TRIO: variants seen among roughly 807,000 people sequenced by gnomAD.
TRIO encodes trio Rho guanine nucleotide exchange factor, also known as triple functional domain protein.
A neutral mutation model predicts 351.9 loss-of-function variants in TRIO; 58 were observed. That is an observed-to-expected ratio of 0.16 (90% CI 0.13 to 0.21). The LOEUF is 0.21. TRIO is among the 10% of genes least tolerant of loss of function. TRIO has a pLI of 1.00. For synonymous variants in TRIO, 1,758 were observed against 1,595.7 expected, an observed-to-expected ratio of 1.10 and a Z score of -2.42; for missense variants, 3,201 against 4,027.8, an observed-to-expected ratio of 0.79 and a Z score of 5.56.
rs1757222068 is a variant in TRIO at position 14,500,661 on chromosome 5, G to A, written c.8333-1918G>A. ...AATCCCAGCACTTTGGGAGGCCGAG[G>A]CAGGTAGCCATGGCTTGAGCCCAGG... is the stretch of plus-strand genomic sequence containing the variant. On this transcript the variant is annotated intron_variant, in intron 53 of 56. Coordinates refer to ENST00000344204, the MANE Select transcript of TRIO (RefSeq NM_007118.4). 2.6e-5 allele frequency among the ~76,000 whole-genome samples: 4 copies of A among 152,316 alleles called. No homozygotes were observed. The South Asian group carries it at 8.3e-4, about 32-fold the overall frequency.
At chr5:14,219,306 G>A (rs1019793615) in intron 1 of TRIO, among the ~76,000 whole-genome samples, 4 of 152,076 alleles carry the variant, frequency 2.6e-5, no homozygotes, top group African/African-American at 7.2e-5. Flanking sequence ...CGCCCACAGT[G>A]GAGTAGGAGA....
chr5:14,241,597 G>A (rs974845423), intron 1 of TRIO, among the ~76,000 whole-genome samples: 1 of 152,082 alleles, frequency 6.6e-6, no homozygotes, highest in East Asian at 1.9e-4. Context: ...ATTTTATATT[G>A]TTGTGGATAT....
chr5:14,357,927 C>CT (rs1743776862), intron 11 of TRIO, among the ~76,000 whole-genome samples: 3 of 152,046 alleles, frequency 2.0e-5, no homozygotes, highest in African/African-American at 7.2e-5. Context: ...CAGTGCTGCC[C>CT]GCCGTTCGCC....
At chr5:14,311,459 G>T (rs1341901991) in intron 8 of TRIO, among the ~76,000 whole-genome samples, 3 of 152,198 alleles carry the variant, frequency 2.0e-5, no homozygotes, top group Non-Finnish European at 4.4e-5. Context: ...GCATGGGAAA[G>T]TATCTGTCGT....
intron 1 of TRIO, among the ~76,000 whole-genome samples, chr5:14,235,763 A>G (rs1252342166): frequency 6.6e-6 from 1 of 152,148 alleles, no homozygotes; most frequent in East Asian, 1.9e-4. Flanking sequence ...TCACAAGTTT[A>G]TGGATAGGGG....
At position 14,358,247 on chromosome 5, in the gene TRIO, G is replaced by A. The variant is rs2152335936; in HGVS notation, c.2116G>A (p.Val706Met). Residue 706 changes from valine to methionine, a missense_variant, in exon 12 of 57, where the codon GTG becomes ATG. This residue lies in a region of TRIO where 363 missense variants were observed against 553.5 expected (regional missense o/e 0.66). Coordinates refer to ENST00000344204, the MANE Select transcript of TRIO (RefSeq NM_007118.4). ...CGTGTATGCCGAGTCGGTGGAGGCCGTGCAGGACCTCATCAAGCGCTTTGG... is the reference window on the plus strand; with the variant it reads ...CGTGTATGCCGAGTCGGTGGAGGCCATGCAGGACCTCATCAAGCGCTTTGG... ...DDVYAESVEA[V>M]QDLIKRFGQQ... 6.2e-7 allele frequency: 1 copy of A among 1,614,136 alleles called. No individual in the cohort carries two copies. Among genetic ancestry groups the A allele is most frequent in the Non-Finnish European group, 8.5e-7 (1 of 1,180,000 alleles).
intron 34 of TRIO, among the ~76,000 whole-genome samples, chr5:14,455,934 C>T (rs371580886): frequency 5.3e-5 from 8 of 152,364 alleles, no homozygotes; most frequent in East Asian, 3.9e-4. Flanking sequence ...CCGGGCGCTG[C>T]GGAGGCTCAG....
intron 1 of TRIO, among the ~76,000 whole-genome samples, chr5:14,226,594 T>C (rs1331118759): frequency 6.6e-6 from 1 of 152,270 alleles, no homozygotes; most frequent in Admixed American, 6.5e-5. Context: ...AATATTGTTT[T>C]ATTCCAAATT....
chr5:14,388,510 CTA>C (rs775659946), intron 23 of TRIO, 101 bp from the exon 24 acceptor site: 8 of 1,138,226 alleles, frequency 7.0e-6, no homozygotes, highest in Non-Finnish European at 1.0e-5. Context: ...CAATCTAAGA[CTA>C]ATACTTTTAG....
At chr5:14,289,830 C>CAGAGCA (rs1334069580) in intron 4 of TRIO, among the ~76,000 whole-genome samples, 1 of 151,694 alleles carries the variant, frequency 6.6e-6, no homozygotes, top group Non-Finnish European at 1.5e-5. Flanking sequence ...GCCTGGGTGA[C>CAGAGCA]AGAGCAAGAC....
rs1361585405 is a variant in TRIO at position 14,425,888 on chromosome 5, C to T, written c.5203+5867C>T. Among the ~76,000 whole-genome samples, 4 of 152,228 alleles carry T rather than the reference C, an allele frequency of 2.6e-5. No individual in the cohort carries two copies. The East Asian group carries it at 7.7e-4, about 29-fold the overall frequency. ...CTCGAAAACTGTCAGCAATAAATTTCTGTGCTTTATAAGTTATCCAGTTTA... is the reference window on the plus strand; with the variant it reads ...CTCGAAAACTGTCAGCAATAAATTTTTGTGCTTTATAAGTTATCCAGTTTA... On this transcript the variant is annotated intron_variant, in intron 34 of 56. Coordinates refer to ENST00000344204, the MANE Select transcript of TRIO (RefSeq NM_007118.4).
At chr5:14,335,489 C>T (rs868505490) in intron 10 of TRIO, among the ~76,000 whole-genome samples, 12 of 152,206 alleles carry the variant, frequency 7.9e-5, no homozygotes, top group African/African-American at 2.7e-4. Flanking sequence ...TGGACCCCTC[C>T]GCAGCAGCTT....
At chr5:14,211,157 A>ATGAATC (rs1791865325) in intron 1 of TRIO, among the ~76,000 whole-genome samples, 1 of 152,252 alleles carries the variant, frequency 6.6e-6, no homozygotes. Context: ...AGTAAGTTAT[A>ATGAATC]GTTAGATCAA....
intron 7 of TRIO, among the ~76,000 whole-genome samples, chr5:14,303,897 A>G (rs953202192): frequency 5.9e-5 from 9 of 152,152 alleles, no homozygotes; most frequent in Non-Finnish European, 7.4e-5. Context: ...TCTGGTGTCA[A>G]TTTCCTTTGA....
At chr5:14,449,844 G>A (rs1752717277) in intron 34 of TRIO, among the ~76,000 whole-genome samples, 1 of 152,112 alleles carries the variant, frequency 6.6e-6, no homozygotes, top group Admixed American at 6.5e-5. Context: ...ACCAAGCAAA[G>A]GATCTTACCA....
At chr5:14,155,949 T>G (rs1204081404) in intron 1 of TRIO, among the ~76,000 whole-genome samples, 1 of 152,206 alleles carries the variant, frequency 6.6e-6, no homozygotes, top group Non-Finnish European at 1.5e-5. Flanking sequence ...AAATGTTGAT[T>G]TTTTTTCTAA....
chr5:14,357,678 G>A (rs534147643), intron 11 of TRIO, among the ~76,000 whole-genome samples: 89 of 152,246 alleles, frequency 5.8e-4, no homozygotes, highest in African/African-American at 1.8e-3. Flanking sequence ...GGCCAGGCTC[G>A]GTGGTGAATT....
At chr5:14,399,261 C>T in intron 30 of TRIO, 191 bp downstream of exon 30, 1 of 605,308 alleles carries the variant, frequency 1.7e-6, no homozygotes, top group East Asian at 2.7e-5. Flanking sequence ...AGAGGGTGCT[C>T]TGGAGTTTAT....
chr5:14,464,334 G>C (rs1338026826), intron 36 of TRIO, among the ~76,000 whole-genome samples: 1 of 152,178 alleles, frequency 6.6e-6, no homozygotes, highest in African/African-American at 2.4e-5. Flanking sequence ...TCCATTTAAA[G>C]AGTGACCTGC....
Sources: allele counts gnomAD v4.1 joint callset (sites outside exome capture counted in the v4.1 genomes callset), GRCh38; gene constraint gnomAD v4.1.1; regional missense constraint gnomAD v4.1.1; transcripts MANE v1.5; gene names NCBI Gene and HGNC (gene_info 2026-07-23, HGNC 2026-07-21).